C7: variants seen among roughly 807,000 people sequenced by gnomAD.
The protein encoded by C7 is complement component C7.
C7 carries 83 observed loss-of-function variants against 104.8 expected under a neutral mutation model. The observed-to-expected ratio is 0.79, with a 90% CI of 0.66 to 0.95. C7 has a LOEUF of 0.95. C7 is among the 40% of genes least tolerant of loss of function. The pLI is 0.00. For synonymous variants in C7, 415 were observed against 360.6 expected (o/e 1.15, Z -1.71); for missense variants, 1,070 against 1,011.2 (o/e 1.06, Z -0.79).
chr5:40,981,748 G>A lies in C7; in HGVS notation c.*175G>A, dbSNP rs560310997. 32 of 531,170 alleles carry A rather than the reference G, an allele frequency of 6.0e-5. No homozygotes were observed. Among genetic ancestry groups the A allele is most frequent in the African/African-American group, 5.1e-4 (27 of 52,990 alleles). The allele number at this position is 531,170 out of a possible 1,614,324, so 32.9% of individuals were successfully genotyped here. A position where few individuals can be genotyped will look rare whatever the true frequency, so the allele number is the denominator to read the frequency against. On this transcript the variant is annotated 3_prime_UTR_variant, in exon 18 of 18. Coordinates refer to ENST00000313164, the MANE Select transcript of C7 (RefSeq NM_000587.4). ...TCCTTTGTTCTCCCAAATCTGAATC[G>A]AATTACTCTTTTGCCTCCTTTTTAA...
intron 1 of C7, among the ~76,000 whole-genome samples, chr5:40,928,275 T>C (rs1208865247): frequency 5.3e-5 from 8 of 152,090 alleles, no homozygotes; most frequent in Non-Finnish European, 1.5e-5. Context: ...GGTCAAAGGG[T>C]ACACAATCTC....
rs780508223 is a variant in C7 at position 40,982,550 on chromosome 5, T to G, written c.*977T>G. On this transcript the variant is annotated 3_prime_UTR_variant, in exon 18 of 18. Coordinates refer to ENST00000313164, the MANE Select transcript of C7 (RefSeq NM_000587.4). ...GTCTGAGAACAAATACAATTCAGTCTTCTCTTTGGGGTTTTAGTATGTGTC... is the reference window on the plus strand; with the variant it reads ...GTCTGAGAACAAATACAATTCAGTCGTCTCTTTGGGGTTTTAGTATGTGTC... 1 of 152,370 alleles carries G rather than the reference T, an allele frequency of 6.6e-6. No individual in the cohort carries two copies. Among genetic ancestry groups the G allele is most frequent in the Non-Finnish European group, 1.5e-5 (1 of 68,044 alleles). 9.4% of individuals were successfully genotyped at this position (152,370 alleles called of 1,614,324 possible).
chr5:40,936,379 G>T lies in C7; in HGVS notation c.322G>T (p.Asp108Tyr). 6.2e-7 allele frequency: 1 copy of T among 1,613,422 alleles called. No homozygotes were observed. The highest frequency in any genetic ancestry group is 1.1e-5 in the South Asian group (1 of 91,026). The change falls in exon 5 of 18, where the codon GAC becomes TAC. Residue 108 changes from aspartate to tyrosine, a missense_variant. Transcript: ENST00000313164. ...ATCATTGGTTTGCAATGGGGATTCT[G>T]ACTGTGATGAAGACAGTGCTGATGA... The part of the protein sequence containing the change: ...SKSLVCNGDS[D>Y]CDEDSADEDR...
chr5:40,982,271 G>A lies in C7; in HGVS notation c.*698G>A, dbSNP rs1262160638. 2 of 152,170 alleles carry A rather than the reference G, an allele frequency of 1.3e-5. No homozygotes were observed. The highest frequency in any genetic ancestry group is 4.8e-5 in the African/African-American group (2 of 41,416). The allele number at this position is 152,170 out of a possible 1,614,324, so 9.4% of individuals were successfully genotyped here. A position where few individuals can be genotyped will look rare whatever the true frequency, so the allele number is the denominator to read the frequency against. ...CGATTCTTGTGCCTCAGCTTCCCAAGCAGCTGGGATTACAGGTGCCCGCCA... is the reference window on the plus strand; with the variant it reads ...CGATTCTTGTGCCTCAGCTTCCCAAACAGCTGGGATTACAGGTGCCCGCCA... On this transcript the variant is annotated 3_prime_UTR_variant, in exon 18 of 18. Coordinates refer to ENST00000313164, the MANE Select transcript of C7 (RefSeq NM_000587.4).
At chr5:40,924,418 T>C (rs1195310917) in intron 1 of C7, among the ~76,000 whole-genome samples, 1 of 152,156 alleles carries the variant, frequency 6.6e-6, no homozygotes, top group Non-Finnish European at 1.5e-5. Flanking sequence ...TGGGTTGGAG[T>C]TGAGTGCCTA....
At chr5:40,937,252 C>A in intron 5 of C7, 1 of 189,630 alleles carries the variant, frequency 5.3e-6, no homozygotes, top group Non-Finnish European at 1.1e-5. Context: ...AATTCAAAAC[C>A]AGCTGTTGCC....
intron 4 of C7, among the ~76,000 whole-genome samples, chr5:40,936,128 G>T (rs755492862): frequency 1.3e-5 from 2 of 152,124 alleles, no homozygotes; most frequent in African/African-American, 4.8e-5. Context: ...TCAATTTTGT[G>T]TCTGATTGAG....
chr5:40,937,735 C>T (rs1350735207), intron 6 of C7, 45 bp downstream of exon 6: 22 of 1,456,994 alleles, frequency 1.5e-5, no homozygotes, highest in Non-Finnish European at 2.0e-5. Context: ...TGTCAGAGAG[C>T]ATTATTTATA....
chr5:40,959,143 T>A (rs1344978705), intron 11 of C7, among the ~76,000 whole-genome samples: 1 of 152,188 alleles, frequency 6.6e-6, no homozygotes, highest in African/African-American at 2.4e-5. Context: ...CCTGCCCACC[T>A]CCATTCACTG....
intron 16 of C7, 148 bp from the exon 17 acceptor site, chr5:40,979,577 A>C (rs1740893861): frequency 1.7e-6 from 1 of 584,654 alleles, no homozygotes. Flanking sequence ...CTAGGAATGA[A>C]GGGGATTTGA....
chr5:40,954,891 A>AAAAAG, intron 9 of C7: 1 of 264,462 alleles, frequency 3.8e-6, no homozygotes. Flanking sequence ...AAAAAAAAAA[A>AAAAAG]AAAAAAAAAA....
rs1218870679 is a variant in C7 at position 40,970,610 on chromosome 5, CT to C, written c.1883-1790del. ...GTTTTTAATTTTTTTTTTAATTTTACTTTAAGTTCTGGGATACATGTGTTGA... is the reference window on the plus strand; with the variant it reads ...GTTTTTAATTTTTTTTTTAATTTTACTTAAGTTCTGGGATACATGTGTTGA... On this transcript the variant is annotated intron_variant, in intron 14 of 17. Transcript: ENST00000313164. Among the ~76,000 whole-genome samples, 3 of 151,966 alleles carry C rather than the reference CT, an allele frequency of 2.0e-5. No homozygotes were observed. The East Asian group carries it at 5.8e-4, about 29-fold the overall frequency.
chr5:40,981,298 G>A, intron 17 of C7, 94 bp from the exon 18 acceptor site: 3 of 1,220,560 alleles, frequency 2.5e-6, no homozygotes, highest in South Asian at 1.3e-5. Flanking sequence ...AGCTTCTACA[G>A]CTCTGATCAC....
chr5:40,981,286 GGAGC>G (rs1349546188), intron 17 of C7, 102 bp from the exon 18 acceptor site: 2 of 1,071,512 alleles, frequency 1.9e-6, no homozygotes, highest in African/African-American at 3.1e-5. Context: ...ATTCCAGGCA[GGAGC>G]TTCTACAGCT....
chr5:40,951,534 T>C (rs985135908), intron 9 of C7, among the ~76,000 whole-genome samples: 4 of 152,116 alleles, frequency 2.6e-5, no homozygotes, highest in African/African-American at 9.7e-5. Flanking sequence ...TACCTGGGTG[T>C]TGGGATCAAT....
chr5:40,946,611 C>T (rs1165547614), intron 7 of C7, among the ~76,000 whole-genome samples: 2 of 152,148 alleles, frequency 1.3e-5, no homozygotes, highest in African/African-American at 2.4e-5. Flanking sequence ...CCTGCAAATA[C>T]CCTAGCATGG....
intron 1 of C7, among the ~76,000 whole-genome samples, chr5:40,914,777 G>A (rs1181252177): frequency 1.3e-5 from 2 of 152,174 alleles, no homozygotes; most frequent in Non-Finnish European, 2.9e-5. Context: ...ACAAGATTGT[G>A]CATCGGAGAT....
intron 1 of C7, among the ~76,000 whole-genome samples, chr5:40,913,453 C>T (rs1739254086): frequency 1.3e-5 from 2 of 152,036 alleles, no homozygotes; most frequent in South Asian, 2.1e-4. Flanking sequence ...ATACTATTCC[C>T]TATTCTCACT....
chr5:40,926,552 A>G (rs1268320330), intron 1 of C7, among the ~76,000 whole-genome samples: 6 of 152,234 alleles, frequency 3.9e-5, no homozygotes, highest in Admixed American at 1.3e-4. Flanking sequence ...TAGAACTAAT[A>G]AATGAATACT....
Sources: gnomAD v4.1 joint callset for allele counts (sites outside exome capture counted in the v4.1 genomes callset) on GRCh38, gnomAD v4.1.1 for gene constraint, MANE v1.5 for transcripts, NCBI Gene and HGNC (gene_info 2026-07-23, HGNC 2026-07-21) for gene names.